ST6GALNAC5: variants seen among roughly 807,000 people sequenced by gnomAD.
The protein encoded by ST6GALNAC5 is ST6 N-acetylgalactosaminide alpha-2,6-sialyltransferase 5, also known as alpha-N-acetylgalactosaminide alpha-2,6-sialyltransferase 5.
Under a neutral mutation model 33.6 loss-of-function variants are expected in ST6GALNAC5, and 27 were observed. The observed-to-expected ratio is 0.80, with a 90% CI of 0.59 to 1.11. The LOEUF is 1.11. Among genes scored for constraint, ST6GALNAC5 ranks in the 50% least tolerant of loss-of-function variants. The probability of loss-of-function intolerance (pLI) is 0.00; values close to 1 mark genes in which losing one functional copy is unlikely to be tolerated. For missense variants in ST6GALNAC5, 428 were observed against 454.0 expected, an observed-to-expected ratio of 0.94 and a Z score of 0.52; for synonymous variants, 194 against 171.2, an observed-to-expected ratio of 1.13 and a Z score of -1.04.
At chr1:76,867,717 G>A (rs1261520491) in intron 1 of ST6GALNAC5, 27 bp downstream of exon 1, 3 of 1,613,978 alleles carry the variant, frequency 1.9e-6, no homozygotes, top group East Asian at 2.2e-5. Flanking sequence ...AACTCCACCG[G>A]GCAAAGAGGG....
At chr1:76,897,946 C>T (rs191514628) in intron 2 of ST6GALNAC5, among the ~76,000 whole-genome samples, 123 of 152,236 alleles carry the variant, frequency 8.1e-4, no homozygotes, top group Middle Eastern at 6.8e-3. Context: ...AAGAAGAGGA[C>T]GGACTTACTT....
intron 4 of ST6GALNAC5, among the ~76,000 whole-genome samples, chr1:77,059,429 G>T (rs182899057): frequency 5.3e-5 from 8 of 152,206 alleles, no homozygotes; most frequent in African/African-American, 1.7e-4. Flanking sequence ...TTCACTTGGG[G>T]TTTATCTAAT....
intron 2 of ST6GALNAC5, among the ~76,000 whole-genome samples, chr1:76,911,032 A>G (rs1473039771): frequency 6.6e-6 from 1 of 152,068 alleles, no homozygotes; most frequent in African/African-American, 2.4e-5. Context: ...TAAAAACTGC[A>G]CTTGCTGTTA....
At chr1:76,963,181 G>A (rs1466536638) in intron 2 of ST6GALNAC5, among the ~76,000 whole-genome samples, 1 of 152,192 alleles carries the variant, frequency 6.6e-6, no homozygotes, top group Non-Finnish European at 1.5e-5. Flanking sequence ...CTGTTAGCTA[G>A]AAGTTATTGA....
At chr1:77,036,991 G>A (rs995166488) in intron 2 of ST6GALNAC5, among the ~76,000 whole-genome samples, 4 of 152,166 alleles carry the variant, frequency 2.6e-5, no homozygotes, top group African/African-American at 9.7e-5. Context: ...GAGGTAACAC[G>A]TGGAAAAGTC....
At chr1:77,040,750 G>A (rs142808113) in intron 2 of ST6GALNAC5, among the ~76,000 whole-genome samples, 69 of 152,244 alleles carry the variant, frequency 4.5e-4, no homozygotes, top group African/African-American at 1.5e-3. Flanking sequence ...AGATCCAACC[G>A]GAAAATTCAG....
At chr1:77,010,717 C>T (rs1281621965) in intron 2 of ST6GALNAC5, among the ~76,000 whole-genome samples, 2 of 152,092 alleles carry the variant, frequency 1.3e-5, no homozygotes, top group African/African-American at 2.4e-5. Context: ...CCTGTGGCTC[C>T]AGGACACCCC....
At chr1:77,043,150 T>C (rs1651888938) in intron 2 of ST6GALNAC5, among the ~76,000 whole-genome samples, 1 of 152,228 alleles carries the variant, frequency 6.6e-6, no homozygotes, top group Non-Finnish European at 1.5e-5. Context: ...GCGCATAGAC[T>C]CTGGAAAAAA....
rs538389785 is a variant in ST6GALNAC5, at chr1:77,065,546, C to T, written c.*2340C>T. 1 of 152,270 alleles carries T rather than the reference C, an allele frequency of 6.6e-6. No homozygotes were observed. Among genetic ancestry groups the T allele is most frequent in the East Asian group, 1.9e-4 (1 of 5,174 alleles). The allele number at this position is 152,270 out of a possible 1,614,324, so 9.4% of individuals were successfully genotyped here. A position where few individuals can be genotyped will look rare whatever the true frequency, so the allele number is the denominator to read the frequency against. ...TGTAAATAAGTGTAAAAAATTACCA[C>T]TTGCAAAGTGGTTTTATTACAGCGT... is the stretch of plus-strand genomic sequence containing the variant. On this transcript the variant is annotated 3_prime_UTR_variant, in exon 5 of 5. Transcript: ENST00000477717.
At chr1:76,974,253 C>A (rs1319830075) in intron 2 of ST6GALNAC5, among the ~76,000 whole-genome samples, 1 of 147,294 alleles carries the variant, frequency 6.8e-6, no homozygotes, top group East Asian at 2.0e-4. Context: ...CGCTCTGTCT[C>A]CCAGGCTGGA....
chr1:76,885,587 A>G (rs1389447305), intron 2 of ST6GALNAC5, among the ~76,000 whole-genome samples: 3 of 152,244 alleles, frequency 2.0e-5, no homozygotes, highest in Non-Finnish European at 4.4e-5. Context: ...GATCCCAGTT[A>G]TAAAGACTTA....
At chr1:76,970,157 A>C (rs1648686222) in intron 2 of ST6GALNAC5, among the ~76,000 whole-genome samples, 1 of 152,046 alleles carries the variant, frequency 6.6e-6, no homozygotes, top group Non-Finnish European at 1.5e-5. Flanking sequence ...CCTCCAAAGG[A>C]TTGCAGCCCC....
chr1:76,982,278 T>A (rs895847399), intron 2 of ST6GALNAC5, among the ~76,000 whole-genome samples: 3 of 152,090 alleles, frequency 2.0e-5, no homozygotes, highest in Non-Finnish European at 4.4e-5. Flanking sequence ...AAAGATTAGA[T>A]GAATGGCTAA....
chr1:76,893,114 G>GA (rs1654048726), intron 2 of ST6GALNAC5, among the ~76,000 whole-genome samples: 1 of 152,096 alleles, frequency 6.6e-6, no homozygotes, highest in Admixed American at 6.6e-5. Flanking sequence ...GTAGCACAAT[G>GA]AAAAAATGTA....
chr1:76,996,129 G>A (rs914933561), intron 2 of ST6GALNAC5, among the ~76,000 whole-genome samples: 8 of 152,158 alleles, frequency 5.3e-5, no homozygotes, highest in African/African-American at 1.9e-4. Flanking sequence ...GACTTGGAGA[G>A]GCTAACCAAC....
rs576190792 is a variant in ST6GALNAC5 at position 76,927,232 on chromosome 1, GT to G, written c.261+58495del. Among the ~76,000 whole-genome samples the G allele has an allele frequency of 1.6e-4, 24 of 151,830 alleles. No individual in the cohort carries two copies. In the South Asian group the frequency reaches 4.0e-3, roughly 25 times the overall value. ...GCATTTTTAATATTGTATTGCTTTT[GT>G]TTTTCCTTGTTATTCAGAGTTCTAA... On this transcript the variant is annotated intron_variant, in intron 2 of 4. Coordinates refer to ENST00000477717, the MANE Select transcript of ST6GALNAC5 (RefSeq NM_030965.3).
intron 2 of ST6GALNAC5, among the ~76,000 whole-genome samples, chr1:76,871,663 A>G (rs1036807843): frequency 6.6e-6 from 1 of 152,216 alleles, no homozygotes; most frequent in Non-Finnish European, 1.5e-5. Flanking sequence ...AAGTCAAGTC[A>G]GTGATGAGCG....
At chr1:77,051,414 G>A (rs1313997392) in intron 4 of ST6GALNAC5, among the ~76,000 whole-genome samples, 4 of 152,108 alleles carry the variant, frequency 2.6e-5, no homozygotes, top group Admixed American at 2.0e-4. Flanking sequence ...GTAAGGTCAG[G>A]GTCAAAAATG....
At chr1:76,973,960 T>A (rs1648875554) in intron 2 of ST6GALNAC5, among the ~76,000 whole-genome samples, 1 of 152,108 alleles carries the variant, frequency 6.6e-6, no homozygotes, top group Non-Finnish European at 1.5e-5. Flanking sequence ...TTATTGAATA[T>A]TTATAGAATA....
Sources: allele counts gnomAD v4.1 joint callset (sites outside exome capture counted in the v4.1 genomes callset), GRCh38; gene constraint gnomAD v4.1.1; transcripts MANE v1.5; gene names NCBI Gene and HGNC (gene_info 2026-07-23, HGNC 2026-07-21).